The following ROBO2 variants were observed in gnomAD, a reference collection of about 807,000 sequenced individuals.
ROBO2 encodes roundabout homolog 2.
Under a neutral mutation model 160.8 loss-of-function variants are expected in ROBO2, and 53 were observed. The observed-to-expected ratio is 0.33, with a 90% CI of 0.26 to 0.41. The LOEUF is 0.41. Ranked by LOEUF, ROBO2 falls within the 10% of genes least tolerant of loss-of-function variation. The pLI is 1.00. For missense variants in ROBO2, 1,577 were observed against 1,722.4 expected (o/e 0.92, Z 1.49); for synonymous variants, 664 against 611.7 (o/e 1.09, Z -1.26).
intron 2 of ROBO2, among the ~76,000 whole-genome samples, chr3:76,552,806 T>C (rs1050643298): frequency 2.0e-5 from 3 of 152,252 alleles, no homozygotes; most frequent in Non-Finnish European, 4.4e-5. Context: ...TCCATTGGGT[T>C]CCATTTAGTT....
chr3:77,570,435 A>G (rs973016230), intron 13 of ROBO2, among the ~76,000 whole-genome samples: 3 of 151,890 alleles, frequency 2.0e-5, no homozygotes, highest in African/African-American at 4.8e-5. Context: ...GCTACAGCCA[A>G]TTTCTTTCAT....
At chr3:77,056,352 T>C (rs1312150401) in intron 1 of ROBO2, among the ~76,000 whole-genome samples, 6 of 152,210 alleles carry the variant, frequency 3.9e-5, no homozygotes, top group Non-Finnish European at 8.8e-5. Context: ...GACCTAATTT[T>C]GTTGGATGAG....
chr3:76,062,627 T>C (rs1576691331), intron 2 of ROBO2, among the ~76,000 whole-genome samples: 2 of 152,126 alleles, frequency 1.3e-5, no homozygotes, highest in East Asian at 3.9e-4. Flanking sequence ...GCAAGGGAAA[T>C]TGGGTTTGTG....
intron 2 of ROBO2, among the ~76,000 whole-genome samples, chr3:77,427,298 T>A (rs2153538111): frequency 6.6e-6 from 1 of 152,362 alleles, no homozygotes; most frequent in African/African-American, 2.4e-5. Context: ...TGCTAATCTA[T>A]ATTTTATTTA....
chr3:76,603,161 C>G (rs1462699343), intron 2 of ROBO2, among the ~76,000 whole-genome samples: 1 of 150,690 alleles, frequency 6.6e-6, no homozygotes, highest in Non-Finnish European at 1.5e-5. Flanking sequence ...GAAACCCCGT[C>G]TCTACTAAAA....
intron 2 of ROBO2, among the ~76,000 whole-genome samples, chr3:76,546,010 A>T (rs1160793166): frequency 6.6e-6 from 1 of 151,848 alleles, no homozygotes; most frequent in Non-Finnish European, 1.5e-5. Flanking sequence ...TTTTCACTAG[A>T]ATTAAGTGAC....
At chr3:76,788,270 A>G (rs913793093) in intron 2 of ROBO2, among the ~76,000 whole-genome samples, 4 of 151,500 alleles carry the variant, frequency 2.6e-5, no homozygotes, top group Admixed American at 2.0e-4. Context: ...GTCTACCTCT[A>G]CTTGACACAG....
chr3:77,530,225 C>T (rs1043736227), intron 6 of ROBO2, among the ~76,000 whole-genome samples: 1 of 151,970 alleles, frequency 6.6e-6, no homozygotes, highest in Non-Finnish European at 1.5e-5. Flanking sequence ...AAGCATATAA[C>T]GTTTAGAGAA....
intron 2 of ROBO2, among the ~76,000 whole-genome samples, chr3:76,224,229 A>G (rs1172028918): frequency 3.9e-5 from 6 of 152,230 alleles, no homozygotes; most frequent in African/African-American, 1.2e-4. Flanking sequence ...TTGGATTGAT[A>G]TAACATCTGC....
At chr3:77,034,345 T>A (rs1388456532) in intron 2 of ROBO2, among the ~76,000 whole-genome samples, 1 of 149,358 alleles carries the variant, frequency 6.7e-6, no homozygotes, top group Non-Finnish European at 1.5e-5. Context: ...GCTGGCATTG[T>A]ATCTAACAAC....
At chr3:77,010,595 G>C (rs1338409556) in intron 2 of ROBO2, among the ~76,000 whole-genome samples, 1 of 152,020 alleles carries the variant, frequency 6.6e-6, no homozygotes, top group Non-Finnish European at 1.5e-5. Context: ...CATCAGTCCT[G>C]ACCCAGTTTC....
intron 2 of ROBO2, among the ~76,000 whole-genome samples, chr3:76,374,207 T>C (rs548527557): frequency 6.6e-6 from 1 of 152,068 alleles, no homozygotes; most frequent in East Asian, 1.9e-4. Context: ...GTGGTCATGT[T>C]TGAAATTCAC....
chr3:76,882,267 A>G (rs1224569975), intron 2 of ROBO2, among the ~76,000 whole-genome samples: 1 of 152,110 alleles, frequency 6.6e-6, no homozygotes, highest in East Asian at 1.9e-4. Context: ...TGTAAAATCC[A>G]ATGTTTCAAC....
chr3:76,588,834 T>C (rs1367689501), intron 2 of ROBO2, among the ~76,000 whole-genome samples: 1 of 152,244 alleles, frequency 6.6e-6, no homozygotes, highest in Non-Finnish European at 1.5e-5. Flanking sequence ...AGTGAATATG[T>C]AGTATCTTAG....
At chr3:76,800,468 C>G (rs1056023424) in intron 2 of ROBO2, among the ~76,000 whole-genome samples, 3 of 152,024 alleles carry the variant, frequency 2.0e-5, no homozygotes, top group South Asian at 2.1e-4. Flanking sequence ...TGGAAACTAT[C>G]CATCTGACAA....
chr3:77,424,639 T>G (rs934495642), intron 2 of ROBO2, among the ~76,000 whole-genome samples: 1 of 152,218 alleles, frequency 6.6e-6, no homozygotes, highest in Admixed American at 6.5e-5. Context: ...CAATTTGTAA[T>G]GTAAAGGTTC....
chr3:76,060,155 C>A (rs2068021715), intron 2 of ROBO2, among the ~76,000 whole-genome samples: 1 of 151,904 alleles, frequency 6.6e-6, no homozygotes, highest in South Asian at 2.1e-4. Flanking sequence ...ATTATCATCA[C>A]TGACCATAAC....
At chr3:77,009,211 A>G (rs1208912578) in intron 2 of ROBO2, among the ~76,000 whole-genome samples, 1 of 152,138 alleles carries the variant, frequency 6.6e-6, no homozygotes, top group Non-Finnish European at 1.5e-5. Context: ...ATTCATTTAA[A>G]CTCTGGACTG....
chr3:77,450,411 A>G (rs2081000097), intron 2 of ROBO2, among the ~76,000 whole-genome samples: 1 of 152,090 alleles, frequency 6.6e-6, no homozygotes, highest in Non-Finnish European at 1.5e-5. Flanking sequence ...TGAAACTCAG[A>G]AATGTACATC....
Sources: gnomAD v4.1 joint callset for allele counts (sites outside exome capture counted in the v4.1 genomes callset) on GRCh38, gnomAD v4.1.1 for gene constraint, MANE v1.5 for transcripts, NCBI Gene and HGNC (gene_info 2026-07-23, HGNC 2026-07-21) for gene names.